Variants in BNC2 observed in about 807,000 individuals in gnomAD.
BNC2 encodes zinc finger protein basonuclin-2.
Under a neutral mutation model 76.3 loss-of-function variants are expected in BNC2, and 20 were observed. That is an observed-to-expected ratio of 0.26 (90% CI 0.18 to 0.38). BNC2 has a LOEUF of 0.38. Among genes scored for constraint, BNC2 ranks in the 10% least tolerant of loss-of-function variants. The probability of loss-of-function intolerance (pLI) is 1.00; values close to 1 mark genes in which losing one functional copy is unlikely to be tolerated. For synonymous variants in BNC2, 582 were observed against 514.8 expected, an observed-to-expected ratio of 1.13 and a Z score of -1.77; for missense variants, 1,382 against 1,399.8, an observed-to-expected ratio of 0.99 and a Z score of 0.20.
chr9:16,626,769 C>G (rs1269009911), intron 3 of BNC2, among the ~76,000 whole-genome samples: 2 of 152,074 alleles, frequency 1.3e-5, no homozygotes, highest in African/African-American at 4.8e-5. Flanking sequence ...ACGGTCCCCT[C>G]TGGAAGGAAG....
intron 1 of BNC2, among the ~76,000 whole-genome samples, chr9:16,854,673 A>G (rs1158516123): frequency 6.6e-6 from 1 of 152,144 alleles, no homozygotes; most frequent in Non-Finnish European, 1.5e-5. Flanking sequence ...TGAGACTGCC[A>G]TCTGCATTAG....
intron 1 of BNC2, among the ~76,000 whole-genome samples, chr9:16,794,060 C>T (rs886226724): frequency 1.3e-5 from 2 of 151,862 alleles, no homozygotes; most frequent in Admixed American, 1.3e-4. Context: ...GATTGTGTGA[C>T]TTAGTTATAG....
At chr9:16,473,589 A>G (rs1821868091) in intron 5 of BNC2, among the ~76,000 whole-genome samples, 1 of 152,200 alleles carries the variant, frequency 6.6e-6, no homozygotes, top group African/African-American at 2.4e-5. Context: ...AGATACGATG[A>G]TGGGACCGGG....
chr9:16,627,132 TG>T (rs1326033439), intron 3 of BNC2, among the ~76,000 whole-genome samples: 1 of 152,188 alleles, frequency 6.6e-6, no homozygotes, highest in East Asian at 1.9e-4. Flanking sequence ...GTTCTAATTC[TG>T]CAGAGTCCAG....
intron 2 of BNC2, among the ~76,000 whole-genome samples, chr9:16,737,519 G>A (rs1197291044): frequency 2.0e-5 from 3 of 147,294 alleles, no homozygotes; most frequent in Admixed American, 1.4e-4. Flanking sequence ...CAAAGTGCTG[G>A]GATTACAGGC....
intron 1 of BNC2, among the ~76,000 whole-genome samples, chr9:16,756,886 G>A (rs543580724): frequency 1.3e-5 from 2 of 151,984 alleles, no homozygotes; most frequent in South Asian, 4.2e-4. Context: ...AGCTACTCGG[G>A]AGGCTGAGGC....
intron 4 of BNC2, among the ~76,000 whole-genome samples, chr9:16,574,172 AC>A: frequency 6.6e-6 from 1 of 152,308 alleles, no homozygotes; most frequent in African/African-American, 2.4e-5. Flanking sequence ...GTTCTGCTTA[AC>A]CTGGTGAACT....
chr9:16,736,079 C>G lies in BNC2; in HGVS notation c.129+2281G>C, dbSNP rs10962557. Among the ~76,000 whole-genome samples, 16 of 151,244 alleles carry G rather than the reference C, an allele frequency of 1.1e-4. No individual in the cohort carries two copies. In the South Asian group the frequency reaches 2.1e-3, roughly 20 times the overall value. ...CAAAATCCCATCTCTACTAAAAATA[C>G]AAAACTTAGCCGGGCATGGTGGCGC... On this transcript the variant is annotated intron_variant, in intron 2 of 6. Transcript: ENST00000380672.
At chr9:16,824,304 G>GT (rs1302957104) in intron 1 of BNC2, among the ~76,000 whole-genome samples, 2 of 152,142 alleles carry the variant, frequency 1.3e-5, no homozygotes, top group African/African-American at 2.4e-5. Flanking sequence ...CAAAGAAACT[G>GT]TAAGTCTAAT....
chr9:16,675,975 G>C (rs1286498798), intron 3 of BNC2, among the ~76,000 whole-genome samples: 3 of 152,112 alleles, frequency 2.0e-5, no homozygotes, highest in African/African-American at 7.2e-5. Flanking sequence ...TGAGGCAGGA[G>C]AATCTCTTGA....
intron 5 of BNC2, among the ~76,000 whole-genome samples, chr9:16,442,181 A>G (rs1371201982): frequency 4.6e-5 from 7 of 152,354 alleles, no homozygotes; most frequent in South Asian, 4.1e-4. Context: ...AGTTATTATC[A>G]TAAGTGTTGA....
At chr9:16,812,104 A>G (rs1310423105) in intron 1 of BNC2, among the ~76,000 whole-genome samples, 2 of 152,182 alleles carry the variant, frequency 1.3e-5, no homozygotes, top group Admixed American at 1.3e-4. Context: ...GAACCCTTCA[A>G]CTGGGTTCAC....
At chr9:16,624,268 C>T (rs145311811) in intron 3 of BNC2, among the ~76,000 whole-genome samples, 48 of 152,158 alleles carry the variant, frequency 3.2e-4, no homozygotes, top group Non-Finnish European at 5.6e-4. Context: ...CTATGAAAAC[C>T]GAAAACCACC....
chr9:16,766,396 G>C (rs1027160111), intron 1 of BNC2, among the ~76,000 whole-genome samples: 8 of 152,086 alleles, frequency 5.3e-5, no homozygotes, highest in African/African-American at 1.9e-4. Context: ...CATGAGGACT[G>C]ATTTTCAGGA....
chr9:16,581,064 G>GA (rs1411224654), intron 4 of BNC2, among the ~76,000 whole-genome samples: 3 of 152,016 alleles, frequency 2.0e-5, no homozygotes, highest in Non-Finnish European at 4.4e-5. Context: ...CTTCTTCAGA[G>GA]AAAAAAAGGA....
intron 1 of BNC2, among the ~76,000 whole-genome samples, chr9:16,853,270 C>T (rs1275076328): frequency 7.9e-6 from 1 of 127,346 alleles, no homozygotes; most frequent in Admixed American, 8.6e-5. Context: ...ACTAGCTGGC[C>T]GTGGTGGCAT....
intron 2 of BNC2, among the ~76,000 whole-genome samples, chr9:16,729,935 G>A (rs936572334): frequency 6.6e-6 from 1 of 152,046 alleles, no homozygotes; most frequent in Non-Finnish European, 1.5e-5. Flanking sequence ...AGGCTCTGTT[G>A]TATCGCTTTG....
At chr9:16,464,171 A>G (rs1202473414) in intron 5 of BNC2, among the ~76,000 whole-genome samples, 1 of 151,956 alleles carries the variant, frequency 6.6e-6, no homozygotes, top group Non-Finnish European at 1.5e-5. Context: ...GACCCTAATA[A>G]TAGCTAACAA....
chr9:16,462,257 TGACATGCC>T (rs1332062347), intron 5 of BNC2, among the ~76,000 whole-genome samples: 1 of 152,194 alleles, frequency 6.6e-6, no homozygotes, highest in Non-Finnish European at 1.5e-5. Flanking sequence ...AGTTAGAACA[TGACATGCC>T]GACATCAATT....
Sources: gnomAD v4.1 joint callset for allele counts (sites outside exome capture counted in the v4.1 genomes callset) on GRCh38, gnomAD v4.1.1 for gene constraint, MANE v1.5 for transcripts, NCBI Gene and HGNC (gene_info 2026-07-23, HGNC 2026-07-21) for gene names.